Variants in COL4A4 observed in about 807,000 individuals in gnomAD.
COL4A4 encodes collagen alpha-4(IV) chain.
COL4A4 carries 105 observed loss-of-function variants against 192.9 expected under a neutral mutation model. The ratio of observed to expected loss-of-function variants is 0.54; its 90% CI spans 0.46 to 0.64. The LOEUF (loss-of-function observed/expected upper bound fraction) is 0.64. Among genes scored for constraint, COL4A4 ranks in the 30% least tolerant of loss-of-function variants. The pLI is 0.00. For synonymous variants in COL4A4, 762 were observed against 769.9 expected (o/e 0.99, Z 0.17); for missense variants, 1,967 against 2,169.3 (o/e 0.91, Z 1.85).
chr2:227,082,089 G>C, intron 23 of COL4A4, 26 bp downstream of exon 23: 1 of 1,596,376 alleles, frequency 6.3e-7, no homozygotes, highest in Admixed American at 1.7e-5. Flanking sequence ...AAAATGGCAG[G>C]GAGTTAAGTG....
At position 227,041,772 on chromosome 2, in the gene COL4A4, AAGG is replaced by A. The variant is rs1971012114; in HGVS notation, c.3505+373_3505+375del. On this transcript the variant is annotated intron_variant, in intron 37 of 47. Coordinates refer to ENST00000396625, the MANE Select transcript of COL4A4 (RefSeq NM_000092.5). The stretch of plus-strand genomic sequence containing the variant: ...GAAGGAAGGAAGGAAGGAAGGAAGG[AAGG>A]AAGGAAGGAAGGGAAAGAAAGAAAG... Among the ~76,000 whole-genome samples the A allele has an allele frequency of 8.9e-5, 8 of 89,676 alleles. 1 individual carries two copies. Among genetic ancestry groups the A allele is most frequent in the Non-Finnish European group, 1.1e-4 (5 of 44,020 alleles). The allele number at this position is 89,676 out of a possible 152,430, so 58.8% of individuals were successfully genotyped here.
intron 13 of COL4A4, among the ~76,000 whole-genome samples, chr2:227,103,687 T>C (rs1576526796): frequency 6.6e-6 from 1 of 152,180 alleles, no homozygotes; most frequent in Admixed American, 6.5e-5. Flanking sequence ...GGTGGTCTTT[T>C]CAATCCACAC....
At chr2:227,007,810 A>C (rs953971094) in intron 47 of COL4A4, among the ~76,000 whole-genome samples, 1 of 152,230 alleles carries the variant, frequency 6.6e-6, no homozygotes, top group Admixed American at 6.5e-5. Context: ...CATCTTCTAA[A>C]TTCTACCAAT....
chr2:227,077,163 C>A (rs2059067539), intron 25 of COL4A4, among the ~76,000 whole-genome samples: 1 of 152,134 alleles, frequency 6.6e-6, no homozygotes, highest in Non-Finnish European at 1.5e-5. Context: ...GATTATAAAT[C>A]ATTCTACTAT....
At chr2:226,970,288 T>G in the COL4A4 span, among the ~76,000 whole-genome samples, 3 of 152,046 alleles carry the variant, frequency 2.0e-5, no homozygotes, top group Non-Finnish European at 2.9e-5. Context: ...AAAACTGAAT[T>G]GAGGAGCTGT....
chr2:227,130,111 C>T (rs901166794), intron 4 of COL4A4, among the ~76,000 whole-genome samples: 3 of 152,180 alleles, frequency 2.0e-5, no homozygotes, highest in Non-Finnish European at 2.9e-5. Flanking sequence ...AAGGTGTTAT[C>T]AACAGTAGAC....
At chr2:227,068,144 T>C (rs1205568980) in intron 25 of COL4A4, among the ~76,000 whole-genome samples, 1 of 148,384 alleles carries the variant, frequency 6.7e-6, no homozygotes, top group Admixed American at 6.7e-5. Flanking sequence ...CCTCGACACA[T>C]ACACTCTCCC....
the COL4A4 span, among the ~76,000 whole-genome samples, chr2:226,993,409 A>C: frequency 6.6e-6 from 1 of 152,216 alleles, no homozygotes; most frequent in Non-Finnish European, 1.5e-5. Context: ...GCCTGCACTC[A>C]CAAGTGCAAT....
At chr2:227,038,148 A>G (rs1441584986) in intron 37 of COL4A4, among the ~76,000 whole-genome samples, 2 of 152,198 alleles carry the variant, frequency 1.3e-5, no homozygotes, top group Admixed American at 6.5e-5. Flanking sequence ...GCCCATGCCT[A>G]TGTCCTGAAT....
intron 1 of COL4A4, among the ~76,000 whole-genome samples, chr2:227,162,840 A>G (rs76009469): frequency 1.3e-5 from 2 of 152,220 alleles, no homozygotes; most frequent in Non-Finnish European, 2.9e-5. Flanking sequence ...ATGCACAACG[A>G]TAGTTGAGAA....
At chr2:227,014,644 T>C (rs188831919) in intron 44 of COL4A4, among the ~76,000 whole-genome samples, 58 of 152,320 alleles carry the variant, frequency 3.8e-4, no homozygotes, top group African/African-American at 1.2e-3. Flanking sequence ...TCATGGCTTA[T>C]GTGGTAGAGC....
Position 227,006,758 on chromosome 2 carries a change from AT to A in COL4A4, c.*566del, listed in dbSNP as rs11314253. The A allele has an allele frequency of 0.45, 68,395 of 153,084 alleles. 15,236 individuals are homozygous for A. The highest frequency in any genetic ancestry group is 0.57 in the South Asian group (2,856 of 5,036). 9.5% of individuals were successfully genotyped at this position (153,084 alleles called of 1,614,324 possible). A position where few individuals can be genotyped will look rare whatever the true frequency, so the allele number is the denominator to read the frequency against. ...GGAACTGTTAACGCTGGCAGTGTGA[AT>A]TTTTTTTTTTCTTCTTTAAAAAAAA... On this transcript the variant is annotated 3_prime_UTR_variant, in exon 48 of 48. Coordinates refer to ENST00000396625, the MANE Select transcript of COL4A4 (RefSeq NM_000092.5).
rs780173035 is a variant in COL4A4, at chr2:227,123,607, G to A, written c.193-2459C>T. Among the ~76,000 whole-genome samples, 1 of 152,192 alleles carries A rather than the reference G, an allele frequency of 6.6e-6. No individual in the cohort carries two copies. Among genetic ancestry groups the A allele is most frequent in the Non-Finnish European group, 1.5e-5 (1 of 68,032 alleles). ...CCCGCCCTAGGGGAAGGGAGTGGGG[G>A]TATTTATCTCCTTGGCTGAGGGCCC... On this transcript the variant is annotated intron_variant, in intron 4 of 47. Coordinates refer to ENST00000396625, the MANE Select transcript of COL4A4 (RefSeq NM_000092.5). This position sits in a 1 kb window ranked among gnomAD's most constrained non-coding sequence, Gnocchi z 4.6.
In COL4A4 at chr2:227,054,627, G is replaced by T. The variant is rs1974892509; in HGVS notation, c.2827C>A (p.Leu943Ile). ...GEPGEKGMSG[L>I]PGDRGLRGAK... The stretch of plus-strand genomic sequence containing the variant: ...CCTCTCAGTCCCCGGTCTCCAGGAA[G>T]GCCAGACATGCCCTTCTCTCCAGGT... Residue 943 changes from leucine (L) to isoleucine (I), a missense_variant, in exon 31 of 48, where the codon CTT becomes ATT. Physicochemically the swap from Leu to Ile is conservative, Grantham distance 5. Coordinates refer to ENST00000396625, the MANE Select transcript of COL4A4 (RefSeq NM_000092.5). 1.2e-6 allele frequency: 2 copies of T among 1,614,186 alleles called. No homozygotes were observed. The highest frequency in any genetic ancestry group is 1.7e-6 in the Non-Finnish European group (2 of 1,180,024).
intron 29 of COL4A4, among the ~76,000 whole-genome samples, chr2:227,056,412 T>A (rs1975370567): frequency 6.6e-6 from 1 of 152,118 alleles, no homozygotes; most frequent in South Asian, 2.1e-4. Flanking sequence ...TTCCTCTTGG[T>A]GGAGGGAAAC....
At position 227,080,440 on chromosome 2, in the gene COL4A4, T is replaced by C. The variant is rs781674382; in HGVS notation, c.1803+3A>G. Reference sequence around the variant, plus strand: ...TCTATAGCAAGAGAAGAATTCTACATACTGGAGGTCCTGGATCCCCTTTTT... The same window carrying C: ...TCTATAGCAAGAGAAGAATTCTACACACTGGAGGTCCTGGATCCCCTTTTT... On this transcript the variant is annotated splice_donor_region_variant and intron_variant, in intron 24 of 47. Transcript: ENST00000396625. 2.5e-6 allele frequency: 4 copies of C among 1,611,398 alleles called. No individual in the cohort carries two copies. The highest frequency in any genetic ancestry group is 3.4e-6 in the Non-Finnish European group (4 of 1,177,522).
At chr2:227,156,063 G>GA (rs35507484) in intron 1 of COL4A4, among the ~76,000 whole-genome samples, 72,232 of 147,418 alleles carry the variant, frequency 0.49, 18,798 homozygotes, top group East Asian at 0.62. Context: ...TGCCATGGAG[G>GA]AAAAAAAAAA....
intron 4 of COL4A4, among the ~76,000 whole-genome samples, chr2:227,127,863 G>A (rs1461970114): frequency 6.6e-6 from 1 of 152,140 alleles, no homozygotes; most frequent in East Asian, 1.9e-4. Context: ...TCAGTGCAAG[G>A]TATAAATAAA....
chr2:227,091,555 C>T (rs1282841291), intron 20 of COL4A4, among the ~76,000 whole-genome samples: 1 of 151,888 alleles, frequency 6.6e-6, no homozygotes, highest in Non-Finnish European at 1.5e-5. Flanking sequence ...AGCCTTTTGG[C>T]TAAGATTGAA....
Sources: allele counts gnomAD v4.1 joint callset (sites outside exome capture counted in the v4.1 genomes callset), GRCh38; gene constraint gnomAD v4.1.1; non-coding constraint Gnocchi (gnomAD v3.1); transcripts MANE v1.5; gene names NCBI Gene and HGNC (gene_info 2026-07-23, HGNC 2026-07-21).